GPM6A: variants seen among roughly 807,000 people sequenced by gnomAD.
The protein encoded by GPM6A is glycoprotein M6A.
A neutral mutation model predicts 32.1 loss-of-function variants in GPM6A; 7 were observed. That is an observed-to-expected ratio of 0.22 (90% CI 0.12 to 0.41). The LOEUF is 0.41. GPM6A is among the 10% of genes least tolerant of loss of function. The pLI is 1.00. For missense variants in GPM6A, 235 were observed against 347.2 expected, an observed-to-expected ratio of 0.68 and a Z score of 2.57; for synonymous variants, 130 against 123.4, an observed-to-expected ratio of 1.05 and a Z score of -0.35.
chr4:175,637,399 A>T (rs1420893393), intron 6 of GPM6A, among the ~76,000 whole-genome samples: 3 of 82,646 alleles, frequency 3.6e-5, no homozygotes, highest in African/African-American at 1.4e-4. Context: ...TAATAATATA[A>T]TATAGTATAT....
chr4:175,798,605 T>G (rs1734330760), intron 1 of GPM6A: 1 of 152,134 alleles, frequency 6.6e-6, no homozygotes, highest in South Asian at 2.1e-4. Context: ...ATACAAACTT[T>G]GTACTAACTT....
chr4:175,701,211 C>A lies in GPM6A; in HGVS notation c.230+364G>T, dbSNP rs1744856987. ...CACCCATGGAGCTTTGCTGATTTTC[C>A]TAAAATTAGTAGCAAGGGCCAGATT... On this transcript the variant is annotated intron_variant, in intron 2 of 6. Coordinates refer to ENST00000393658, the MANE Select transcript of GPM6A (RefSeq NM_201591.3). Among the ~76,000 whole-genome samples the A allele has an allele frequency of 1.3e-5, 2 of 152,116 alleles. 1 individual carries two copies. The highest frequency in any genetic ancestry group is 4.1e-4 in the South Asian group (2 of 4,832).
At chr4:175,951,031 T>C (rs574442906) in intron 1 of GPM6A, among the ~76,000 whole-genome samples, 17 of 152,218 alleles carry the variant, frequency 1.1e-4, no homozygotes, top group Non-Finnish European at 1.9e-4. Context: ...TTCAGGCTTC[T>C]GTTATACTGA....
Position 175,634,763 on chromosome 4 carries a change from A to G in GPM6A, c.*142T>C. 1.7e-6 allele frequency: 1 copy of G among 599,418 alleles called. No individual in the cohort carries two copies. Among genetic ancestry groups the G allele is most frequent in the East Asian group, 2.8e-5 (1 of 35,148 alleles). 37.1% of individuals were successfully genotyped at this position (599,418 alleles called of 1,614,324 possible). A position where few individuals can be genotyped will look rare whatever the true frequency, so the allele number is the denominator to read the frequency against. ...AAATTTAAGTGCTAAACAACAAAGA[A>G]TTGTACTCAGGTGATTCATAAGTCA... On this transcript the variant is annotated 3_prime_UTR_variant, in exon 7 of 7. Coordinates refer to ENST00000393658, the MANE Select transcript of GPM6A (RefSeq NM_201591.3).
intron 1 of GPM6A, among the ~76,000 whole-genome samples, chr4:175,959,421 C>T (rs576839160): frequency 5.3e-5 from 8 of 152,158 alleles, no homozygotes; most frequent in African/African-American, 9.6e-5. Flanking sequence ...TGAATACACA[C>T]GTACACACAT....
chr4:175,924,500 A>G (rs180706057), intron 1 of GPM6A, among the ~76,000 whole-genome samples: 40 of 152,258 alleles, frequency 2.6e-4, no homozygotes, highest in African/African-American at 9.4e-4. Context: ...TATATGAAAT[A>G]TATGAGGGAA....
intron 1 of GPM6A, among the ~76,000 whole-genome samples, chr4:175,987,689 C>T (rs2126454594): frequency 6.6e-6 from 1 of 152,080 alleles, no homozygotes; most frequent in African/African-American, 2.4e-5. Context: ...CATAACTAAA[C>T]TTAGGGATAA....
At chr4:175,792,530 T>C (rs1033079511) in intron 1 of GPM6A, among the ~76,000 whole-genome samples, 3 of 152,166 alleles carry the variant, frequency 2.0e-5, no homozygotes, top group Admixed American at 6.5e-5. Flanking sequence ...AAAGATACTC[T>C]ATAAAATTGA....
intron 1 of GPM6A, among the ~76,000 whole-genome samples, chr4:175,795,319 C>T (rs1255183148): frequency 6.6e-6 from 1 of 152,154 alleles, no homozygotes; most frequent in Admixed American, 6.5e-5. Flanking sequence ...TTCGAAGGCA[C>T]TCAATAATCC....
At chr4:175,721,215 C>T (rs1283304553) in intron 1 of GPM6A, among the ~76,000 whole-genome samples, 1 of 148,402 alleles carries the variant, frequency 6.7e-6, no homozygotes, top group Non-Finnish European at 1.5e-5. Context: ...GTGGCTCATG[C>T]CTGTAATCCC....
chr4:175,696,205 T>G (rs1435835771), intron 2 of GPM6A, among the ~76,000 whole-genome samples: 1 of 152,212 alleles, frequency 6.6e-6, no homozygotes, highest in Non-Finnish European at 1.5e-5. Context: ...TATCAACTAA[T>G]TTTATTGTCA....
intron 1 of GPM6A, among the ~76,000 whole-genome samples, chr4:175,966,655 C>T (rs889805122): frequency 1.2e-4 from 18 of 151,914 alleles, no homozygotes; most frequent in South Asian, 6.2e-4. Context: ...GAAGAGGACA[C>T]TCACCAAGAA....
At chr4:175,778,138 G>T (rs4690632) in intron 1 of GPM6A, among the ~76,000 whole-genome samples, 4 of 152,006 alleles carry the variant, frequency 2.6e-5, no homozygotes, top group East Asian at 3.9e-4. Context: ...AAGACCACTA[G>T]GTTGGGCCCA....
chr4:175,812,091 A>T, intron 1 of GPM6A, 100 bp downstream of exon 1: 1 of 880,576 alleles, frequency 1.1e-6, no homozygotes, highest in Non-Finnish European at 1.8e-6. Flanking sequence ...ATGCCTTCCA[A>T]GAGAGAAACA....
At chr4:175,934,142 TG>T (rs1739147634) in intron 1 of GPM6A, among the ~76,000 whole-genome samples, 1 of 152,224 alleles carries the variant, frequency 6.6e-6, no homozygotes, top group South Asian at 2.1e-4. Context: ...TGAGGGATGA[TG>T]ATGATTACAT....
At chr4:175,664,133 G>A (rs1200783624) in intron 3 of GPM6A, among the ~76,000 whole-genome samples, 1 of 152,120 alleles carries the variant, frequency 6.6e-6, no homozygotes, top group Admixed American at 6.5e-5. Flanking sequence ...TGACTTTCTG[G>A]GAAAGACAAA....
At chr4:175,824,683 G>A (rs1735379723) in intron 1 of GPM6A, among the ~76,000 whole-genome samples, 1 of 152,094 alleles carries the variant, frequency 6.6e-6, no homozygotes, top group Non-Finnish European at 1.5e-5. Flanking sequence ...GCTTTCCAGG[G>A]ACTAGGTTCA....
At chr4:175,929,183 AG>A (rs1325179992) in intron 1 of GPM6A, among the ~76,000 whole-genome samples, 1 of 152,248 alleles carries the variant, frequency 6.6e-6, no homozygotes, top group Non-Finnish European at 1.5e-5. Context: ...CCCTATGACA[AG>A]GAACAAAATA....
intron 1 of GPM6A, among the ~76,000 whole-genome samples, chr4:175,740,397 TA>T (rs1731843015): frequency 6.6e-6 from 1 of 152,060 alleles, no homozygotes; most frequent in African/African-American, 2.4e-5. Flanking sequence ...AAAATTTAAA[TA>T]ACCTAACATT....
Sources: allele counts gnomAD v4.1 joint callset (sites outside exome capture counted in the v4.1 genomes callset), GRCh38; gene constraint gnomAD v4.1.1; transcripts MANE v1.5; gene names NCBI Gene and HGNC (gene_info 2026-07-23, HGNC 2026-07-21).